Variants in GALNTL6 observed in about 807,000 individuals in gnomAD.
GALNTL6 encodes the protein polypeptide N-acetylgalactosaminyltransferase like 6, also known as polypeptide N-acetylgalactosaminyltransferase-like 6.
In GALNTL6, 46 loss-of-function variants were observed where a neutral mutation model predicts 73.7. The observed-to-expected ratio is 0.62, with a 90% CI of 0.49 to 0.80. The LOEUF (loss-of-function observed/expected upper bound fraction) is 0.80. GALNTL6 is among the 30% of genes least tolerant of loss of function. The pLI is 0.00. For missense variants in GALNTL6, 604 were observed against 755.0 expected, an observed-to-expected ratio of 0.80 and a Z score of 2.34; for synonymous variants, 259 against 263.7, an observed-to-expected ratio of 0.98 and a Z score of 0.17.
At chr4:171,967,844 T>C (rs556036438) in intron 2 of GALNTL6, among the ~76,000 whole-genome samples, 1 of 152,294 alleles carries the variant, frequency 6.6e-6, no homozygotes, top group Middle Eastern at 3.4e-3. Context: ...CCTATTTTTT[T>C]CCCGGCTTCT....
chr4:172,204,044 C>G (rs1160981738), intron 2 of GALNTL6, among the ~76,000 whole-genome samples: 1 of 152,004 alleles, frequency 6.6e-6, no homozygotes, highest in Non-Finnish European at 1.5e-5. Context: ...CTGCACCCGG[C>G]CAACAGAATT....
In GALNTL6 at chr4:172,721,985, G is replaced by T. The variant is rs543535892; in HGVS notation, c.554-87376G>T. Among the ~76,000 whole-genome samples, 3 of 93,996 alleles carry T rather than the reference G, an allele frequency of 3.2e-5. No individual in the cohort carries two copies. In the South Asian group the frequency reaches 1.4e-3, roughly 43 times the overall value. The allele number at this position is 93,996 out of a possible 152,430, so 61.7% of individuals were successfully genotyped here. ...AATATTGCAATGGAGGTGGCGGAAG[G>T]CTTTTTTTTTTTTTCCCAAAATCGT... is the stretch of plus-strand genomic sequence containing the variant. On this transcript the variant is annotated intron_variant, in intron 5 of 12. Transcript: ENST00000506823.
intron 2 of GALNTL6, among the ~76,000 whole-genome samples, chr4:171,866,626 C>T (rs149425473): frequency 2.8e-4 from 42 of 152,312 alleles, no homozygotes; most frequent in South Asian, 1.7e-3. Context: ...GACCAGATGA[C>T]TGACAAACAA....
chr4:172,716,409 A>C (rs1203834608), intron 5 of GALNTL6, among the ~76,000 whole-genome samples: 1 of 152,166 alleles, frequency 6.6e-6, no homozygotes, highest in Non-Finnish European at 1.5e-5. Context: ...TAGGTTTTAT[A>C]ATAAGGCTCT....
rs1252708345 is a variant in GALNTL6, at chr4:172,264,554, A to C, written c.247+34790A>C. Among the ~76,000 whole-genome samples the C allele has an allele frequency of 6.2e-5, 3 of 48,460 alleles. 1 individual carries two copies. Among genetic ancestry groups the C allele is most frequent in the African/African-American group, 2.9e-4 (3 of 10,404 alleles). 31.8% of individuals were successfully genotyped at this position (48,460 alleles called of 152,430 possible). ...AAATAAGGTTGGCATAATATATGCC[A>C]AATATATATATATATATATATATAT... On this transcript the variant is annotated intron_variant, in intron 3 of 12. Transcript: ENST00000506823.
intron 5 of GALNTL6, among the ~76,000 whole-genome samples, chr4:172,397,618 G>A (rs767985206): frequency 3.7e-4 from 55 of 150,110 alleles, no homozygotes; most frequent in Non-Finnish European, 5.6e-4. Context: ...TCGCTCTGTC[G>A]CCAGGCTGGA....
At chr4:172,073,212 A>G (rs1278011009) in intron 2 of GALNTL6, among the ~76,000 whole-genome samples, 1 of 152,172 alleles carries the variant, frequency 6.6e-6, no homozygotes, top group Non-Finnish European at 1.5e-5. Context: ...ACTCACAGAC[A>G]TTCTCTACCA....
intron 5 of GALNTL6, among the ~76,000 whole-genome samples, chr4:172,496,334 T>G (rs1734070040): frequency 6.6e-6 from 1 of 152,092 alleles, no homozygotes; most frequent in Non-Finnish European, 1.5e-5. Flanking sequence ...GGCTAAAGAG[T>G]CAATTTCTGT....
At chr4:172,993,870 C>T (rs565057529) in intron 10 of GALNTL6, among the ~76,000 whole-genome samples, 10 of 152,154 alleles carry the variant, frequency 6.6e-5, no homozygotes, top group African/African-American at 1.7e-4. Flanking sequence ...TGCAGTGAGC[C>T]GAGATTGTGC....
chr4:172,760,773 C>T lies in GALNTL6; in HGVS notation c.554-48588C>T, dbSNP rs569043266. On this transcript the variant is annotated intron_variant, in intron 5 of 12. Coordinates refer to ENST00000506823, the MANE Select transcript of GALNTL6 (RefSeq NM_001034845.3). ...CCCTGATCCCTCGCCCCACCGACTA[C>T]CCCCCACAATGTGGGTCCTGACCAG... is the stretch of plus-strand genomic sequence containing the variant. 2.6e-5 allele frequency among the ~76,000 whole-genome samples: 4 copies of T among 152,236 alleles called. No homozygotes were observed. The South Asian group carries it at 8.3e-4, about 32-fold the overall frequency.
At chr4:172,157,094 T>C (rs1018019748) in intron 2 of GALNTL6, among the ~76,000 whole-genome samples, 25 of 152,172 alleles carry the variant, frequency 1.6e-4, no homozygotes, top group African/African-American at 6.0e-4. Context: ...TTTCCTATTA[T>C]AACTAACTCC....
chr4:172,619,842 C>T (rs1254924848), intron 5 of GALNTL6, among the ~76,000 whole-genome samples: 2 of 152,066 alleles, frequency 1.3e-5, no homozygotes, highest in Non-Finnish European at 1.5e-5. Context: ...TCTTTTTATT[C>T]GTAAGTACTA....
chr4:172,732,735 A>G (rs988928234), intron 5 of GALNTL6, among the ~76,000 whole-genome samples: 5 of 152,198 alleles, frequency 3.3e-5, no homozygotes, highest in African/African-American at 1.2e-4. Flanking sequence ...TTTCCAAAGT[A>G]TATTTTATTG....
chr4:172,770,594 T>C (rs748165180), intron 5 of GALNTL6, among the ~76,000 whole-genome samples: 6 of 152,166 alleles, frequency 3.9e-5, no homozygotes, highest in East Asian at 3.8e-4. Context: ...ATCAGTAAAA[T>C]TTTTCATTTT....
intron 4 of GALNTL6, among the ~76,000 whole-genome samples, chr4:172,326,129 T>C (rs1234893619): frequency 6.6e-6 from 1 of 151,858 alleles, no homozygotes. Flanking sequence ...CAAAGGAAAT[T>C]AGAAAATATT....
chr4:171,975,109 A>G (rs2111070680), intron 2 of GALNTL6, among the ~76,000 whole-genome samples: 2 of 152,358 alleles, frequency 1.3e-5, no homozygotes, highest in Non-Finnish European at 2.9e-5. Context: ...GATAATAGCA[A>G]CCACGGGTAG....
chr4:172,040,670 T>C (rs1274092912), intron 2 of GALNTL6, among the ~76,000 whole-genome samples: 1 of 152,096 alleles, frequency 6.6e-6, no homozygotes, highest in African/African-American at 2.4e-5. Flanking sequence ...ATGAAAACAG[T>C]ATCTTCAATT....
At chr4:172,251,882 T>G (rs1476271287) in intron 3 of GALNTL6, among the ~76,000 whole-genome samples, 2 of 152,110 alleles carry the variant, frequency 1.3e-5, no homozygotes, top group East Asian at 1.9e-4. Context: ...CCAAAAAGCA[T>G]CCTAAAAGTA....
chr4:172,753,286 G>A (rs780220421), intron 5 of GALNTL6, among the ~76,000 whole-genome samples: 1 of 152,194 alleles, frequency 6.6e-6, no homozygotes, highest in Non-Finnish European at 1.5e-5. Flanking sequence ...CCTCAGCCAT[G>A]TGGAACTGTG....
Sources: gnomAD v4.1 joint callset for allele counts (sites outside exome capture counted in the v4.1 genomes callset) on GRCh38, gnomAD v4.1.1 for gene constraint, MANE v1.5 for transcripts, NCBI Gene and HGNC (gene_info 2026-07-23, HGNC 2026-07-21) for gene names.